Variants in CDH5 observed in about 807,000 individuals in gnomAD.
CDH5 encodes the protein cadherin 5, also known as cadherin-5.
In CDH5, 28 loss-of-function variants were observed where a neutral mutation model predicts 62.0. The ratio of observed to expected loss-of-function variants is 0.45; its 90% CI spans 0.33 to 0.62. CDH5 has a LOEUF of 0.62. CDH5 is among the 20% of genes least tolerant of loss of function. CDH5 has a pLI of 0.02. For synonymous variants in CDH5, 464 were observed against 445.8 expected (o/e 1.04, Z -0.52); for missense variants, 940 against 1,065.1 (o/e 0.88, Z 1.63).
At chr16:66,371,999 C>A (rs947594933) in intron 1 of CDH5, among the ~76,000 whole-genome samples, 1 of 152,166 alleles carries the variant, frequency 6.6e-6, no homozygotes, top group Non-Finnish European at 1.5e-5. Flanking sequence ...AGAGCTGAGC[C>A]GATCTCACAG....
intron 1 of CDH5, among the ~76,000 whole-genome samples, chr16:66,377,987 C>T (rs1019820699): frequency 4.6e-5 from 7 of 152,158 alleles, no homozygotes; most frequent in Non-Finnish European, 7.4e-5. Flanking sequence ...AATGTTCTGT[C>T]GCCTTCTTAA....
intron 1 of CDH5, among the ~76,000 whole-genome samples, chr16:66,369,099 T>C (rs1960638539): frequency 6.6e-6 from 1 of 152,136 alleles, no homozygotes; most frequent in Non-Finnish European, 1.5e-5. Context: ...TAGGGGATGG[T>C]CCCTAAACTA....
chr16:66,386,495 G>A (rs1960985475), intron 2 of CDH5, among the ~76,000 whole-genome samples: 1 of 151,992 alleles, frequency 6.6e-6, no homozygotes, highest in Non-Finnish European at 1.5e-5. Context: ...TGTACCAATT[G>A]TTTAGCTCCT....
At chr16:66,383,853 C>T (rs1201728917) in intron 2 of CDH5, among the ~76,000 whole-genome samples, 1 of 152,110 alleles carries the variant, frequency 6.6e-6, no homozygotes, top group Non-Finnish European at 1.5e-5. Flanking sequence ...ATCCTCACTC[C>T]CTGTCTCCAC....
At chr16:66,385,689 T>C (rs1960971107) in intron 2 of CDH5, among the ~76,000 whole-genome samples, 1 of 152,204 alleles carries the variant, frequency 6.6e-6, no homozygotes, top group Admixed American at 6.5e-5. Flanking sequence ...GAGCACATCA[T>C]TATGTAGCAT....
At chr16:66,394,725 T>TA (rs370015035) in intron 7 of CDH5, among the ~76,000 whole-genome samples, 21 of 152,072 alleles carry the variant, frequency 1.4e-4, no homozygotes, top group African/African-American at 3.6e-4. Context: ...CTATGTATGA[T>TA]AAAAAAAATC....
At chr16:66,386,741 T>C in intron 2 of CDH5, 68 bp from the exon 3 acceptor site, 1 of 1,392,228 alleles carries the variant, frequency 7.2e-7, no homozygotes, top group Admixed American at 2.0e-5. Context: ...GTACACACAC[T>C]CTCACTCACA....
In CDH5 at chr16:66,394,801, C is replaced by T. The variant is rs1173247785; in HGVS notation, c.1218-1258C>T. Among the ~76,000 whole-genome samples, 5 of 131,592 alleles carry T rather than the reference C, an allele frequency of 3.8e-5. No homozygotes were observed. The Admixed American group carries it at 3.9e-4, about 10-fold the overall frequency. The allele number at this position is 131,592 out of a possible 152,430, so 86.3% of individuals were successfully genotyped here. Reference sequence around the variant, plus strand: ...TTATATTGAGATGTTTAGTTAGATACAGTAAGTTTTCAAAAAAAAATTCAG... The same window carrying T: ...TTATATTGAGATGTTTAGTTAGATATAGTAAGTTTTCAAAAAAAAATTCAG... On this transcript the variant is annotated intron_variant, in intron 7 of 11. Coordinates refer to ENST00000341529, the MANE Select transcript of CDH5 (RefSeq NM_001795.5).
chr16:66,396,414 C>T (rs1961186612), intron 8 of CDH5, among the ~76,000 whole-genome samples: 1 of 152,158 alleles, frequency 6.6e-6, no homozygotes, highest in African/African-American at 2.4e-5. Context: ...CATCTCGGGC[C>T]TCACCCCCAC....
Position 66,389,390 on chromosome 16 carries a change from C to T in CDH5, c.649C>T (p.Arg217Ter), listed in dbSNP as rs764293522. 3.1e-6 allele frequency: 5 copies of T among 1,612,860 alleles called. No individual in the cohort carries two copies. Among genetic ancestry groups the T allele is most frequent in the South Asian group, 1.1e-5 (1 of 90,904 alleles). ...TATCACAATAACGAAAAGCTTGGACCGAGAGAAGCAGGCCAGGTATGAGAT... is the reference window on the plus strand; with the variant it reads ...TATCACAATAACGAAAAGCTTGGACTGAGAGAAGCAGGCCAGGTATGAGAT... ...RIITITKSLD[R>*]EKQARYEIVV... Residue 217 changes from arginine (R) to a stop codon, truncating the protein, a stop_gained, in exon 5 of 12, where the codon CGA becomes TGA. Coordinates refer to ENST00000341529, the MANE Select transcript of CDH5 (RefSeq NM_001795.5). LOFTEE classifies it high-confidence loss of function.
chr16:66,370,065 A>G (rs185212681), intron 1 of CDH5, among the ~76,000 whole-genome samples: 5 of 152,198 alleles, frequency 3.3e-5, no homozygotes, highest in Non-Finnish European at 5.9e-5. Flanking sequence ...CAATGGCGCA[A>G]TCTTGGCTCA....
chr16:66,379,230 A>G (rs552474457), intron 1 of CDH5, 89 bp from the exon 2 acceptor site: 2 of 945,982 alleles, frequency 2.1e-6, no homozygotes, highest in East Asian at 2.4e-5. Context: ...TTGGCATTAT[A>G]TCTAGCTGCT....
At chr16:66,401,043 G>C in intron 11 of CDH5, 27 bp downstream of exon 11, 1 of 1,613,286 alleles carries the variant, frequency 6.2e-7, no homozygotes, top group Non-Finnish European at 8.5e-7. Flanking sequence ...GTGGGGAGAA[G>C]ACACAGTGGG....
chr16:66,372,744 C>T (rs942275281), intron 1 of CDH5, among the ~76,000 whole-genome samples: 1 of 152,132 alleles, frequency 6.6e-6, no homozygotes, highest in African/African-American at 2.4e-5. Context: ...CATGGTGGAG[C>T]CCAGTCGTCC....
intron 6 of CDH5, among the ~76,000 whole-genome samples, chr16:66,390,975 C>A (rs1961074440): frequency 6.6e-6 from 1 of 152,214 alleles, no homozygotes; most frequent in South Asian, 2.1e-4. Context: ...CTGGCACTTT[C>A]TGGCCTGCCA....
chr16:66,391,205 C>T (rs554117323), intron 6 of CDH5, among the ~76,000 whole-genome samples: 14 of 152,276 alleles, frequency 9.2e-5, no homozygotes, highest in Admixed American at 8.5e-4. Flanking sequence ...TCTGAACCAG[C>T]CCCATGCTGG....
intron 1 of CDH5, among the ~76,000 whole-genome samples, chr16:66,374,205 T>C (rs1960744012): frequency 6.6e-6 from 1 of 152,160 alleles, no homozygotes; most frequent in Non-Finnish European, 1.5e-5. Context: ...TGCTCAGGGA[T>C]GTCAGCCCTC....
At position 66,398,526 on chromosome 16, in the gene CDH5, A is replaced by T; in HGVS notation, c.1556A>T (p.Asn519Ile). The part of the protein sequence containing the change: ...PRNVKFKFIL[N>I]TENNFTLTDN... The stretch of plus-strand genomic sequence containing the variant: ...AACGTGAAGTTCAAATTCATCTTGA[A>T]TACTGAGAACAACTTTACCCTCACG... Residue 519 changes from asparagine (N) to isoleucine (I), a missense_variant, in exon 10 of 12, where the codon AAT becomes ATT. Asn to Ile is a moderately radical substitution (Grantham distance 149). Coordinates refer to ENST00000341529, the MANE Select transcript of CDH5 (RefSeq NM_001795.5). 2 of 1,598,276 alleles carry T rather than the reference A, an allele frequency of 1.3e-6. No homozygotes were observed. The highest frequency in any genetic ancestry group is 2.2e-5 in the South Asian group (2 of 90,758).
chr16:66,373,665 CCA>C lies in CDH5; in HGVS notation c.-19-5651_-19-5650del, dbSNP rs1476438148. On this transcript the variant is annotated intron_variant, in intron 1 of 11. Coordinates refer to ENST00000341529, the MANE Select transcript of CDH5 (RefSeq NM_001795.5). Reference sequence around the variant, plus strand: ...CTCCTGACCTCAAGTGATCCACCCGCCACAGTTTCCCAAAGTTAGTGGCCAAA... The same window carrying C: ...CTCCTGACCTCAAGTGATCCACCCGCCAGTTTCCCAAAGTTAGTGGCCAAA... Among the ~76,000 whole-genome samples, 9 of 152,254 alleles carry C rather than the reference CCA, an allele frequency of 5.9e-5. No homozygotes were observed. In the East Asian group the frequency reaches 1.7e-3, roughly 29 times the overall value.
Sources: gnomAD v4.1 joint callset for allele counts (sites outside exome capture counted in the v4.1 genomes callset) on GRCh38, gnomAD v4.1.1 for gene constraint, MANE v1.5 for transcripts, NCBI Gene and HGNC (gene_info 2026-07-23, HGNC 2026-07-21) for gene names.